The following XKR6 variants were observed in gnomAD, a reference collection of about 807,000 sequenced individuals.
The protein encoded by XKR6 is XK-related protein 6.
A neutral mutation model predicts 56.7 loss-of-function variants in XKR6; 22 were observed. The ratio of observed to expected loss-of-function variants is 0.39; its 90% CI spans 0.28 to 0.55. The LOEUF (loss-of-function observed/expected upper bound fraction) is 0.55, where lower values mean the gene tolerates loss of function less well. Ranked by LOEUF, XKR6 falls within the 20% of genes least tolerant of loss-of-function variation. The pLI, the probability that XKR6 is intolerant of heterozygous loss-of-function variation, is 0.66. For missense variants in XKR6, 852 were observed against 889.0 expected (o/e 0.96, Z 0.53); for synonymous variants, 524 against 387.8 (o/e 1.35, Z -4.13).
intron 1 of XKR6, among the ~76,000 whole-genome samples, chr8:11,086,753 C>G (rs1797906170): frequency 6.6e-6 from 1 of 152,200 alleles, no homozygotes; most frequent in Non-Finnish European, 1.5e-5. Context: ...TGCTGCCTCT[C>G]CAGTGAAAAG....
intron 1 of XKR6, among the ~76,000 whole-genome samples, chr8:11,095,131 A>G (rs1414282002): frequency 1.3e-5 from 2 of 152,236 alleles, no homozygotes; most frequent in Non-Finnish European, 2.9e-5. Context: ...CAGGCTAGAG[A>G]AACAGGGATG....
intron 1 of XKR6, among the ~76,000 whole-genome samples, chr8:11,041,933 A>G (rs1452477018): frequency 1.3e-5 from 2 of 152,338 alleles, no homozygotes; most frequent in East Asian, 3.9e-4. Flanking sequence ...AACCACACAC[A>G]TGTATACACA....
At chr8:11,183,353 C>T (rs1335184175) in intron 1 of XKR6, among the ~76,000 whole-genome samples, 1 of 152,202 alleles carries the variant, frequency 6.6e-6, no homozygotes, top group Non-Finnish European at 1.5e-5. Flanking sequence ...AATTTCTCCA[C>T]ATACCTGTTA....
At chr8:11,086,895 G>T (rs1797910311) in intron 1 of XKR6, among the ~76,000 whole-genome samples, 1 of 152,218 alleles carries the variant, frequency 6.6e-6, no homozygotes, top group African/African-American at 2.4e-5. Context: ...GGCGTCGGAG[G>T]TCACCCGGCC....
chr8:11,038,497 T>TGTG (rs1799201798), intron 1 of XKR6, among the ~76,000 whole-genome samples: 1 of 130,124 alleles, frequency 7.7e-6, no homozygotes, highest in East Asian at 2.4e-4. Context: ...TGTAGTCATT[T>TGTG]TGTGTGTGTG....
At chr8:10,972,606 A>G (rs543801014) in intron 1 of XKR6, among the ~76,000 whole-genome samples, 13 of 152,272 alleles carry the variant, frequency 8.5e-5, no homozygotes, top group African/African-American at 3.1e-4. Context: ...GAAATAAGCC[A>G]GTCACAAAAG....
intron 1 of XKR6, among the ~76,000 whole-genome samples, chr8:11,180,114 T>A (rs1203449282): frequency 6.6e-6 from 1 of 152,144 alleles, no homozygotes; most frequent in Non-Finnish European, 1.5e-5. Context: ...CACTCCAGCA[T>A]GGGCGACAGA....
At chr8:11,072,121 G>C (rs1800146099) in intron 1 of XKR6, among the ~76,000 whole-genome samples, 1 of 152,216 alleles carries the variant, frequency 6.6e-6, no homozygotes, top group Non-Finnish European at 1.5e-5. Context: ...GCACCCAACA[G>C]TCAACCCACA....
chr8:10,978,962 G>A (rs7010246), intron 1 of XKR6, among the ~76,000 whole-genome samples: 41,965 of 151,978 alleles, frequency 0.28, 6,461 homozygotes, highest in Non-Finnish European at 0.36. Context: ...CCGTACCCTC[G>A]GGCAAATTAC....
chr8:10,935,287 T>C lies in XKR6; in HGVS notation c.765-10457A>G, dbSNP rs892007659. Among the ~76,000 whole-genome samples the C allele has an allele frequency of 2.4e-4, 32 of 135,676 alleles. No individual in the cohort carries two copies. In the South Asian group the frequency reaches 7.6e-3, roughly 32 times the overall value. The allele number at this position is 135,676 out of a possible 152,430, so 89.0% of individuals were successfully genotyped here. A position where few individuals can be genotyped will look rare whatever the true frequency, so the allele number is the denominator to read the frequency against. ...TTATTGTGTCTATTTGATTCTTCTC[T>C]CTTTTTTTCTTTATTAGTCTTGCTA... is the stretch of plus-strand genomic sequence containing the variant. On this transcript the variant is annotated intron_variant, in intron 1 of 2. Coordinates refer to ENST00000416569, the MANE Select transcript of XKR6 (RefSeq NM_173683.4).
At chr8:11,179,162 CTTT>C (rs1249090682) in intron 1 of XKR6, among the ~76,000 whole-genome samples, 4 of 151,526 alleles carry the variant, frequency 2.6e-5, no homozygotes, top group African/African-American at 9.7e-5. Context: ...CAGCCCTCTT[CTTT>C]TAATTCATTT....
At chr8:11,069,055 T>C (rs1800051894) in intron 1 of XKR6, among the ~76,000 whole-genome samples, 2 of 151,932 alleles carry the variant, frequency 1.3e-5, no homozygotes, top group Admixed American at 1.3e-4. Flanking sequence ...GCCTTCCATG[T>C]TTTCCCTTCC....
intron 1 of XKR6, among the ~76,000 whole-genome samples, chr8:11,147,923 A>C (rs1327067289): frequency 6.6e-6 from 1 of 152,004 alleles, no homozygotes; most frequent in Non-Finnish European, 1.5e-5. Flanking sequence ...TTAAGCTAAA[A>C]TGAGGGCCGG....
chr8:11,116,161 T>C (rs761884293), intron 1 of XKR6, among the ~76,000 whole-genome samples: 2 of 152,222 alleles, frequency 1.3e-5, no homozygotes, highest in Non-Finnish European at 2.9e-5. Flanking sequence ...GCTGGTCTTA[T>C]GTGCAAGCAG....
intron 1 of XKR6, among the ~76,000 whole-genome samples, chr8:11,190,204 A>AAAAGAAAGAAAGAAAGAAAGAAAGAAAG (rs34031400): frequency 3.3e-5 from 4 of 120,924 alleles, no homozygotes; most frequent in African/African-American, 1.1e-4. Context: ...AGAAAGAAAG[A>AAAAGAAAGAAAGAAAGAAAGAAAGAAAG]AAAGAAAGAA....
At chr8:11,060,504 G>C (rs1014381062) in intron 1 of XKR6, among the ~76,000 whole-genome samples, 2 of 152,214 alleles carry the variant, frequency 1.3e-5, no homozygotes, top group African/African-American at 4.8e-5. Flanking sequence ...GGGAGACCCT[G>C]ACCTGATCCT....
chr8:11,143,683 G>A (rs1343066036), intron 1 of XKR6, among the ~76,000 whole-genome samples: 1 of 152,182 alleles, frequency 6.6e-6, no homozygotes, highest in African/African-American at 2.4e-5. Context: ...TGGAGGAAGG[G>A]AAGGGATTGT....
chr8:11,179,291 G>T (rs922526646), intron 1 of XKR6, among the ~76,000 whole-genome samples: 6 of 152,004 alleles, frequency 3.9e-5, no homozygotes, highest in African/African-American at 1.5e-4. Flanking sequence ...ATTCCTTTAG[G>T]TAACTGTTAA....
At chr8:10,924,940 A>G (rs1387853991) in intron 1 of XKR6, 110 bp from the exon 2 acceptor site, 4 of 1,191,928 alleles carry the variant, frequency 3.4e-6, no homozygotes, top group Non-Finnish European at 4.7e-6. Flanking sequence ...CCAACTCCCT[A>G]TGCTCTGAAG....
Sources: gnomAD v4.1 joint callset for allele counts (sites outside exome capture counted in the v4.1 genomes callset) on GRCh38, gnomAD v4.1.1 for gene constraint, MANE v1.5 for transcripts, NCBI Gene and HGNC (gene_info 2026-07-23, HGNC 2026-07-21) for gene names.